Variants in FGF13 observed in about 807,000 individuals in gnomAD.
FGF13 encodes the protein fibroblast growth factor homologous factor 2.
FGF13 carries 2 observed loss-of-function variants against 19.5 expected under a neutral mutation model. The ratio of observed to expected loss-of-function variants is 0.10; its 90% CI spans 0.04 to 0.32. The LOEUF is 0.32. FGF13 is among the 10% of genes least tolerant of loss of function. The probability of loss-of-function intolerance (pLI) is 1.00; values close to 1 mark genes in which losing one functional copy is unlikely to be tolerated. For missense variants in FGF13, 113 were observed against 192.7 expected (o/e 0.59, Z 2.45); for synonymous variants, 72 against 76.9 (o/e 0.94, Z 0.33).
At chrX:138,824,217 T>G (rs2091019028) in intron 3 of FGF13, among the ~76,000 whole-genome samples, 1 of 111,666 alleles carries the variant, frequency 9.0e-6, no homozygotes, top group Non-Finnish European at 1.9e-5. Flanking sequence ...TGGGGTAAGT[T>G]TGAAGGTGCA....
intron 3 of FGF13, among the ~76,000 whole-genome samples, chrX:138,655,599 C>T (rs1329253381): frequency 9.0e-6 from 1 of 111,079 alleles, no homozygotes; most frequent in South Asian, 3.8e-4. Flanking sequence ...TAAGGAGGGG[C>T]TACCAGGGTT....
Position 138,877,030 on chromosome X carries a change from C to T in FGF13, c.-112-12380G>A, listed in dbSNP as rs1355995514. On this transcript the variant is annotated intron_variant, in intron 1 of 2. Transcript: ENST00000421460. ...TTCCTTTTAACAGAAAACCAAGCAC[C>T]GCTTGTTCTCACTTATAACTGGGAG... Among the ~76,000 whole-genome samples, 3 of 111,436 alleles carry T rather than the reference C, an allele frequency of 2.7e-5. No individual in the cohort carries two copies. The Admixed American group carries it at 2.9e-4, about 11-fold the overall frequency.
At chrX:138,874,321 C>A (rs1313663346) in intron 1 of FGF13, among the ~76,000 whole-genome samples, 2 of 110,399 alleles carry the variant, frequency 1.8e-5, no homozygotes, top group Non-Finnish European at 3.8e-5. Flanking sequence ...TATCTCCCAG[C>A]CAATTTAGAT....
chrX:138,671,684 A>C (rs1602680908), intron 3 of FGF13, among the ~76,000 whole-genome samples: 1 of 111,221 alleles, frequency 9.0e-6, no homozygotes, highest in African/African-American at 3.3e-5. Flanking sequence ...GCAAAACAAA[A>C]ATCCTGACCG....
intron 1 of FGF13, among the ~76,000 whole-genome samples, chrX:138,724,754 A>C (rs2090172418): frequency 8.9e-6 from 1 of 111,748 alleles, no homozygotes; most frequent in Non-Finnish European, 1.9e-5. Context: ...GAGGAGATTG[A>C]GGAGATATAA....
At position 139,011,947 on chromosome X, in the gene FGF13, G is replaced by A. The variant is rs777899786; in HGVS notation, c.-112-147297C>T. Among the ~76,000 whole-genome samples, 4 of 111,079 alleles carry A rather than the reference G, an allele frequency of 3.6e-5. No individual in the cohort carries two copies. In the South Asian group the frequency reaches 1.5e-3, roughly 42 times the overall value. On this transcript the variant is annotated intron_variant, in intron 1 of 2. Transcript: ENST00000421460. Reference sequence around the variant, plus strand: ...GATCGTATACCTAGAAAATCCTAAAGACTCATCCAAAAAGCTCCTAGAACT... The same window carrying A: ...GATCGTATACCTAGAAAATCCTAAAAACTCATCCAAAAAGCTCCTAGAACT...
intron 1 of FGF13, among the ~76,000 whole-genome samples, chrX:139,119,785 T>C (rs1365247531): frequency 8.9e-6 from 1 of 112,747 alleles, no homozygotes. Flanking sequence ...TTTTAATTGC[T>C]TAACATAGGT....
At chrX:138,984,523 G>GGAA (rs1209275314) in intron 1 of FGF13, among the ~76,000 whole-genome samples, 597 of 31,484 alleles carry the variant, frequency 0.019, 10 homozygotes, top group Admixed American at 0.038. Context: ...AAGAAGAAGA[G>GGAA]GAAGAAGAAG....
intron 1 of FGF13, among the ~76,000 whole-genome samples, chrX:138,882,247 G>A (rs1397445583): frequency 4.5e-5 from 5 of 110,695 alleles, no homozygotes; most frequent in Non-Finnish European, 9.4e-5. Flanking sequence ...AGATACTTTG[G>A]ATGACTTAGA....
At chrX:138,864,500 C>T (rs2091306527) in intron 2 of FGF13, 1 of 112,350 alleles carries the variant, frequency 8.9e-6, no homozygotes. Context: ...GCAGGTGGGG[C>T]CCAGCCAACC....
At chrX:139,067,751 A>T (rs752093351) in intron 1 of FGF13, among the ~76,000 whole-genome samples, 1 of 112,324 alleles carries the variant, frequency 8.9e-6, no homozygotes, top group Admixed American at 9.4e-5. Flanking sequence ...TCAAGCTACC[A>T]TTGACTTTCT....
intron 1 of FGF13, among the ~76,000 whole-genome samples, chrX:138,997,194 C>A (rs1029859849): frequency 1.8e-5 from 2 of 112,143 alleles, no homozygotes; most frequent in Non-Finnish European, 3.8e-5. Context: ...ACATCAAACA[C>A]CAAAGGTAGA....
chrX:138,992,801 G>T (rs917566868), intron 1 of FGF13, among the ~76,000 whole-genome samples: 4 of 111,265 alleles, frequency 3.6e-5, no homozygotes, highest in African/African-American at 1.3e-4. Flanking sequence ...AACATATGAT[G>T]AATAAACAGG....
intron 3 of FGF13, among the ~76,000 whole-genome samples, chrX:138,845,941 G>T (rs1261403697): frequency 9.0e-6 from 1 of 111,075 alleles, no homozygotes; most frequent in African/African-American, 3.3e-5. Context: ...TTCCTTCCTT[G>T]TTGCTTAAAA....
chrX:138,953,635 A>C (rs1603064193), intron 1 of FGF13, among the ~76,000 whole-genome samples: 1 of 111,806 alleles, frequency 8.9e-6, no homozygotes, highest in Middle Eastern at 4.6e-3. Flanking sequence ...CAACCACGGC[A>C]ACTTTATATA....
chrX:138,916,560 A>G (rs951506794), intron 1 of FGF13, among the ~76,000 whole-genome samples: 62 of 112,202 alleles, frequency 5.5e-4, no homozygotes, highest in Non-Finnish European at 9.4e-4. Context: ...ATGTTGACAA[A>G]GATATCATTC....
intron 1 of FGF13, among the ~76,000 whole-genome samples, chrX:139,008,141 A>G (rs977783221): frequency 3.6e-5 from 4 of 112,256 alleles, no homozygotes; most frequent in Middle Eastern, 4.6e-3. Flanking sequence ...AGGCAGCCAC[A>G]GGAAGCCCTG....
intron 3 of FGF13, among the ~76,000 whole-genome samples, chrX:138,765,814 C>A (rs111593375): frequency 9.0e-6 from 1 of 111,505 alleles, no homozygotes; most frequent in African/African-American, 3.3e-5. Flanking sequence ...TCACACTTGT[C>A]GTGTGCAACT....
intron 1 of FGF13, among the ~76,000 whole-genome samples, chrX:139,043,176 T>C (rs2092275898): frequency 9.0e-6 from 1 of 110,955 alleles, no homozygotes; most frequent in Admixed American, 9.6e-5. Flanking sequence ...GTGGGGCACA[T>C]CCACTGGGCT....
Sources: allele counts gnomAD v4.1 joint callset (sites outside exome capture counted in the v4.1 genomes callset), GRCh38; gene constraint gnomAD v4.1.1; transcripts MANE v1.5; gene names NCBI Gene and HGNC (gene_info 2026-07-23, HGNC 2026-07-21).